The following SCN11A variants were observed in gnomAD, a reference collection of about 807,000 sequenced individuals.
SCN11A encodes the protein sodium channel protein type 11 subunit alpha.
In SCN11A, 122 loss-of-function variants were observed where a neutral mutation model predicts 162.2. That is an observed-to-expected ratio of 0.75 (90% CI 0.65 to 0.87). SCN11A has a LOEUF of 0.87. SCN11A is among the 40% of genes least tolerant of loss of function. The pLI is 0.00. For missense variants in SCN11A, 2,015 were observed against 2,181.6 expected (o/e 0.92, Z 1.52); for synonymous variants, 758 against 751.5 (o/e 1.01, Z -0.14).
chr3:38,957,101 G>C (rs535666727), intron 3 of SCN11A, among the ~76,000 whole-genome samples: 1 of 152,156 alleles, frequency 6.6e-6, no homozygotes, highest in East Asian at 1.9e-4. Context: ...TTTAAAGTTA[G>C]AGAGACCCCC....
intron 28 of SCN11A, among the ~76,000 whole-genome samples, chr3:38,858,688 A>C (rs1458394141): frequency 6.6e-6 from 1 of 152,176 alleles, no homozygotes; most frequent in African/African-American, 2.4e-5. Flanking sequence ...AGAACATTCT[A>C]CCCAACAACT....
intron 1 of SCN11A, among the ~76,000 whole-genome samples, chr3:39,045,024 T>C (rs1476383265): frequency 6.6e-6 from 1 of 151,994 alleles, no homozygotes; most frequent in Non-Finnish European, 1.5e-5. Flanking sequence ...TATGAACAAC[T>C]ATATGCCAAC....
chr3:39,045,379 T>C (rs1394605622), intron 1 of SCN11A, among the ~76,000 whole-genome samples: 1 of 152,030 alleles, frequency 6.6e-6, no homozygotes, highest in Non-Finnish European at 1.5e-5. Flanking sequence ...TGAACATAGA[T>C]ATAAAAATTC....
intron 7 of SCN11A, among the ~76,000 whole-genome samples, chr3:38,935,112 C>T (rs1055310609): frequency 1.3e-5 from 2 of 152,124 alleles, no homozygotes; most frequent in Non-Finnish European, 2.9e-5. Flanking sequence ...ACTGAACAAC[C>T]TGCTCCTGAA....
chr3:38,864,031 A>G (rs2126089934), intron 27 of SCN11A, among the ~76,000 whole-genome samples: 1 of 152,294 alleles, frequency 6.6e-6, no homozygotes, highest in East Asian at 1.9e-4. Flanking sequence ...CTCAGTTTTT[A>G]GTAAATGTAA....
intron 2 of SCN11A, among the ~76,000 whole-genome samples, chr3:39,007,362 T>C (rs2031007350): frequency 6.6e-6 from 1 of 152,202 alleles, no homozygotes; most frequent in South Asian, 2.1e-4. Flanking sequence ...CATTGGGTCT[T>C]AGTCCCCGGT....
chr3:38,940,238 T>G (rs955561983), intron 7 of SCN11A, among the ~76,000 whole-genome samples: 4 of 152,042 alleles, frequency 2.6e-5, no homozygotes, highest in African/African-American at 9.7e-5. Context: ...CAAAAGAAGA[T>G]TTTAACAAAT....
chr3:38,889,884 T>A (rs2065470348), intron 19 of SCN11A, among the ~76,000 whole-genome samples: 1 of 149,242 alleles, frequency 6.7e-6, no homozygotes, highest in East Asian at 2.0e-4. Flanking sequence ...ATAAATGCTG[T>A]TTAGTATCAT....
intron 2 of SCN11A, among the ~76,000 whole-genome samples, chr3:38,978,261 T>TTAACTTAC (rs1179324694): frequency 2.0e-5 from 3 of 152,232 alleles, no homozygotes; most frequent in Non-Finnish European, 4.4e-5. Flanking sequence ...TGTATAACTA[T>TTAACTTAC]TAACTTACTA....
Position 39,032,393 on chromosome 3 carries a change from T to G in SCN11A, c.-293A>C, listed in dbSNP as rs1055239476. On this transcript the variant is annotated 5_prime_UTR_variant, in exon 2 of 30. Coordinates refer to ENST00000302328, the MANE Select transcript of SCN11A (RefSeq NM_001349253.2). ...GAAAACACTCACCGCTCCCCTCTGGTAAACAAGATGCCAACTCTAGGGTAC... is the reference window on the plus strand; with the variant it reads ...GAAAACACTCACCGCTCCCCTCTGGGAAACAAGATGCCAACTCTAGGGTAC... Among the ~76,000 whole-genome samples, 2 of 152,250 alleles carry G rather than the reference T, an allele frequency of 1.3e-5. No individual in the cohort carries two copies. Among genetic ancestry groups the G allele is most frequent in the Admixed American group, 6.5e-5 (1 of 15,284 alleles).
chr3:39,048,819 A>T (rs1166303993), intron 1 of SCN11A, among the ~76,000 whole-genome samples: 1 of 152,226 alleles, frequency 6.6e-6, no homozygotes, highest in African/African-American at 2.4e-5. Flanking sequence ...TCATCCTTGG[A>T]ACCCAGTTAG....
chr3:38,872,143 C>A (rs1378417396), intron 24 of SCN11A, 50 bp downstream of exon 24: 11 of 1,104,408 alleles, frequency 1.0e-5, no homozygotes, highest in Non-Finnish European at 1.5e-5. Context: ...GTTGGTCTTT[C>A]CACCTTTCTC....
chr3:38,918,473 G>A (rs926420521), intron 11 of SCN11A, among the ~76,000 whole-genome samples: 3 of 152,178 alleles, frequency 2.0e-5, no homozygotes, highest in African/African-American at 4.8e-5. Flanking sequence ...TAGGTTGCAC[G>A]CTCCTTATGA....
intron 27 of SCN11A, among the ~76,000 whole-genome samples, chr3:38,863,517 T>G (rs1309419328): frequency 6.6e-6 from 1 of 152,138 alleles, no homozygotes; most frequent in African/African-American, 2.4e-5. Flanking sequence ...TATCAGTTAT[T>G]TTTCACTTTT....
At chr3:38,926,688 A>T in intron 8 of SCN11A, 115 bp downstream of exon 8, 1 of 1,048,668 alleles carries the variant, frequency 9.5e-7, no homozygotes, top group Non-Finnish European at 1.4e-6. Context: ...TCAGAGCTCT[A>T]GGCATTACTA....
chr3:38,951,564 T>G (rs2125578588), intron 4 of SCN11A, among the ~76,000 whole-genome samples: 1 of 152,350 alleles, frequency 6.6e-6, no homozygotes, highest in South Asian at 2.1e-4. Context: ...GGCAGGCAGC[T>G]CCACCTGCGG....
intron 7 of SCN11A, among the ~76,000 whole-genome samples, chr3:38,938,552 T>TA (rs1559545243): frequency 6.7e-4 from 11 of 16,432 alleles, no homozygotes; most frequent in Non-Finnish European, 1.1e-3. Context: ...ATATATATAT[T>TA]TTTTTTTTTT....
chr3:38,894,810 A>C lies in SCN11A; in HGVS notation c.2558T>G (p.Phe853Cys), dbSNP rs1318775887. 1 of 1,614,090 alleles carries C rather than the reference A, an allele frequency of 6.2e-7. No homozygotes were observed. Among genetic ancestry groups the C allele is most frequent in the African/African-American group, 1.3e-5 (1 of 74,920 alleles). ...FCFVRHTLEHFCHKWCRKQNL... is the reference protein window; with the variant it reads ...FCFVRHTLEHCCHKWCRKQNL... ...TTGCTTCCTGCACCACTTGTGACAG[A>C]AATGCTCAAGAGTGTGTCTCACAAA... Residue 853 changes from phenylalanine to cysteine, a missense_variant, in exon 19 of 30, where the codon TTC becomes TGC. Coordinates refer to ENST00000302328, the MANE Select transcript of SCN11A (RefSeq NM_001349253.2).
intron 11 of SCN11A, among the ~76,000 whole-genome samples, chr3:38,910,948 C>T (rs74333929): frequency 0.013 from 1,940 of 152,196 alleles, 41 homozygotes; most frequent in African/African-American, 0.044. Context: ...CAAAGTAATA[C>T]ATGCACATGG....
Sources: allele counts gnomAD v4.1 joint callset (sites outside exome capture counted in the v4.1 genomes callset), GRCh38; gene constraint gnomAD v4.1.1; transcripts MANE v1.5; gene names NCBI Gene and HGNC (gene_info 2026-07-23, HGNC 2026-07-21).